MPHOSPH6: variants seen among roughly 807,000 people sequenced by gnomAD.
MPHOSPH6 encodes the protein M-phase phosphoprotein 6.
In MPHOSPH6, 25 loss-of-function variants were observed where a neutral mutation model predicts 21.8. That is an observed-to-expected ratio of 1.15 (90% CI 0.83 to 1.60). The LOEUF is 1.60. MPHOSPH6 is among the 40% of genes most tolerant of loss of function. The pLI is 0.00. For synonymous variants in MPHOSPH6, 84 were observed against 56.5 expected (o/e 1.49, Z -2.18); for missense variants, 269 against 181.8 (o/e 1.48, Z -2.76).
chr16:82,150,543 C>T (rs1906231269), intron 3 of MPHOSPH6, among the ~76,000 whole-genome samples: 1 of 152,176 alleles, frequency 6.6e-6, no homozygotes. Context: ...ACTGTGGCTC[C>T]TAGAGAAGTG....
In MPHOSPH6 at chr16:82,160,872, C is replaced by T. The variant is rs576266673; in HGVS notation, c.164+3210G>A. 9.2e-5 allele frequency among the ~76,000 whole-genome samples: 14 copies of T among 152,252 alleles called. No individual in the cohort carries two copies. In the South Asian group the frequency reaches 1.9e-3, roughly 20 times the overall value. ...CTGGAGGAATCTGAAAAATGACGTG[C>T]AGGTAGGATTTTCTGACTGTCCCCT... On this transcript the variant is annotated intron_variant, in intron 2 of 4. Coordinates refer to ENST00000258169, the MANE Select transcript of MPHOSPH6 (RefSeq NM_005792.2).
In MPHOSPH6 at chr16:82,167,769, T is replaced by C. The variant is rs2142421436; in HGVS notation, c.51+2356A>G. 1.3e-5 allele frequency among the ~76,000 whole-genome samples: 2 copies of C among 152,260 alleles called. 1 individual carries two copies. Among genetic ancestry groups the C allele is most frequent in the South Asian group, 4.1e-4 (2 of 4,826 alleles). Reference sequence around the variant, plus strand: ...GGAGCTCAGGTGGTAATGCAAGCTATGGGGAACAGCTGTAAATACAGATGA... The same window carrying C: ...GGAGCTCAGGTGGTAATGCAAGCTACGGGGAACAGCTGTAAATACAGATGA... On this transcript the variant is annotated intron_variant, in intron 1 of 4. Coordinates refer to ENST00000258169, the MANE Select transcript of MPHOSPH6 (RefSeq NM_005792.2).
chr16:82,153,381 T>C (rs959053267), intron 2 of MPHOSPH6, among the ~76,000 whole-genome samples: 1 of 152,184 alleles, frequency 6.6e-6, no homozygotes, highest in African/African-American at 2.4e-5. Context: ...ATGACTGTGA[T>C]GCCTGAGAGA....
At chr16:82,167,898 T>G (rs1013405041) in intron 1 of MPHOSPH6, among the ~76,000 whole-genome samples, 3 of 152,156 alleles carry the variant, frequency 2.0e-5, no homozygotes, top group African/African-American at 7.2e-5. Flanking sequence ...TGGGGACCCA[T>G]GCTATATAGG....
In MPHOSPH6 at chr16:82,149,534, CT is replaced by C. The variant is rs1183705065; in HGVS notation, c.256-132del. 4.3e-4 allele frequency: 300 copies of C among 703,872 alleles called. No individual in the cohort carries two copies. The East Asian group carries it at 8.1e-3, about 19-fold the overall frequency. The allele number at this position is 703,872 out of a possible 1,614,324, so 43.6% of individuals were successfully genotyped here. Reference sequence around the variant, plus strand: ...AACTAGTCAAAATTGATAAGGGACTCTCTGTAATACTTGATACCACAATGGT... The same window carrying C: ...AACTAGTCAAAATTGATAAGGGACTCCTGTAATACTTGATACCACAATGGT... On this transcript the variant is annotated intron_variant, in intron 3 of 4. Coordinates refer to ENST00000258169, the MANE Select transcript of MPHOSPH6 (RefSeq NM_005792.2).
At position 82,155,803 on chromosome 16, in the gene MPHOSPH6, G is replaced by C. The variant is rs1210791338; in HGVS notation, c.165-4289C>G. 4.6e-5 allele frequency among the ~76,000 whole-genome samples: 7 copies of C among 152,184 alleles called. 1 individual carries two copies. Among genetic ancestry groups the C allele is most frequent in the Admixed American group, 3.9e-4 (6 of 15,288 alleles). Reference sequence around the variant, plus strand: ...ACCTGTAATCTCAGCTACTCAGGAGGCTGGGGCAGGAGAATCGCCTGAACC... The same window carrying C: ...ACCTGTAATCTCAGCTACTCAGGAGCCTGGGGCAGGAGAATCGCCTGAACC... On this transcript the variant is annotated intron_variant, in intron 2 of 4. Coordinates refer to ENST00000258169, the MANE Select transcript of MPHOSPH6 (RefSeq NM_005792.2).
intron 2 of MPHOSPH6, among the ~76,000 whole-genome samples, chr16:82,153,507 G>C (rs1393493891): frequency 6.6e-6 from 1 of 152,186 alleles, no homozygotes; most frequent in African/African-American, 2.4e-5. Context: ...CTGAGCTTAA[G>C]AGACAAACTG....
chr16:82,160,900 A>G (rs994986032), intron 2 of MPHOSPH6, among the ~76,000 whole-genome samples: 12 of 152,124 alleles, frequency 7.9e-5, no homozygotes, highest in African/African-American at 2.9e-4. Context: ...TGTCCCCTGA[A>G]GCAGGTCATA....
At position 82,148,793 on chromosome 16, in the gene MPHOSPH6, C is replaced by A; in HGVS notation, c.421G>T (p.Asp141Tyr). The A allele has an allele frequency of 6.2e-7, 1 of 1,614,138 alleles. No individual in the cohort carries two copies. The highest frequency in any genetic ancestry group is 1.6e-4 in the Middle Eastern group (1 of 6,062). Reference sequence around the variant, plus strand: ...ATTGGTGTTATGTCTCCATTTTCATCTTCTTCATAATTGGCATGGTCTCTC... The same window carrying A: ...ATTGGTGTTATGTCTCCATTTTCATATTCTTCATAATTGGCATGGTCTCTC... ...RKRDHANYEE[D>Y]ENGDITPIKA... The change falls in exon 5 of 5, where the codon GAT becomes TAT. Residue 141 changes from aspartate to tyrosine, a missense_variant. By Grantham distance (160) the Asp-to-Tyr change is radical. Coordinates refer to ENST00000258169, the MANE Select transcript of MPHOSPH6 (RefSeq NM_005792.2).
At chr16:82,169,083 C>T (rs1025124245) in intron 1 of MPHOSPH6, among the ~76,000 whole-genome samples, 5 of 152,208 alleles carry the variant, frequency 3.3e-5, no homozygotes, top group African/African-American at 4.8e-5. Context: ...GGTTAATATA[C>T]GCAAACCACT....
chr16:82,148,620 T>A lies in MPHOSPH6; in HGVS notation c.*111A>T. On this transcript the variant is annotated 3_prime_UTR_variant, in exon 5 of 5. Transcript: ENST00000258169. ...CATGTTTCTAAAATGATAATCTCTT[T>A]ACAAGTAAACGTTACAGTATTAATA... 7.6e-7 allele frequency: 1 copy of A among 1,307,428 alleles called. No individual in the cohort carries two copies. Among genetic ancestry groups the A allele is most frequent in the Middle Eastern group, 2.4e-4 (1 of 4,106 alleles). The allele number at this position is 1,307,428 out of a possible 1,614,324, so 81.0% of individuals were successfully genotyped here. A position where few individuals can be genotyped will look rare whatever the true frequency, so the allele number is the denominator to read the frequency against.
chr16:82,149,499 T>C, intron 3 of MPHOSPH6, 96 bp from the exon 4 acceptor site: 1 of 1,018,550 alleles, frequency 9.8e-7, no homozygotes, highest in Non-Finnish European at 1.5e-6. Flanking sequence ...TGAAGTCAAA[T>C]AATCTAGAGA....
At chr16:82,151,890 G>A (rs1000515442) in intron 2 of MPHOSPH6, among the ~76,000 whole-genome samples, 2 of 152,106 alleles carry the variant, frequency 1.3e-5, no homozygotes, top group African/African-American at 2.4e-5. Context: ...GAAATAATAT[G>A]TATGTAAAAA....
chr16:82,159,209 T>A (rs1906529026), intron 2 of MPHOSPH6, among the ~76,000 whole-genome samples: 1 of 152,218 alleles, frequency 6.6e-6, no homozygotes, highest in Non-Finnish European at 1.5e-5. Context: ...CTGTCTTCTA[T>A]TATGCCACAA....
At chr16:82,149,099 T>C (rs913069560) in intron 4 of MPHOSPH6, among the ~76,000 whole-genome samples, 2 of 152,228 alleles carry the variant, frequency 1.3e-5, no homozygotes, top group African/African-American at 4.8e-5. Context: ...AAAATACACA[T>C]TTCCAGCAGC....
intron 2 of MPHOSPH6, chr16:82,163,835 T>C (rs1567615476): frequency 7.9e-6 from 3 of 379,064 alleles, no homozygotes; most frequent in East Asian, 5.3e-5. Context: ...ATCAGAGATA[T>C]GTGGGCTAGG....
At chr16:82,169,203 C>G (rs1906889869) in intron 1 of MPHOSPH6, among the ~76,000 whole-genome samples, 1 of 152,220 alleles carries the variant, frequency 6.6e-6, no homozygotes, top group Non-Finnish European at 1.5e-5. Flanking sequence ...AATCTGGCCT[C>G]AAATTCCCTG....
chr16:82,170,148 A>G lies in MPHOSPH6; in HGVS notation c.28T>C (p.Ser10Pro). 1 of 1,596,350 alleles carries G rather than the reference A, an allele frequency of 6.3e-7. No homozygotes were observed. Among genetic ancestry groups the G allele is most frequent in the Non-Finnish European group, 8.5e-7 (1 of 1,171,458 alleles). ...ACCTTCATGCGCAGTAGATTCTTGG[A>G]CAACCTTGTCTTTCGCTCGGCCGCC... Reference protein sequence around the residue: MAAERKTRLSKNLLRMKFMQ... With the variant: MAAERKTRLPKNLLRMKFMQ... The change falls in exon 1 of 5, where the codon TCC (serine) becomes CCC (proline). Residue 10 changes from serine to proline, a missense_variant. Ser to Pro is a moderately conservative substitution (Grantham distance 74). Transcript: ENST00000258169.
At chr16:82,166,787 C>T (rs749640638) in intron 1 of MPHOSPH6, among the ~76,000 whole-genome samples, 19 of 152,160 alleles carry the variant, frequency 1.2e-4, no homozygotes, top group Non-Finnish European at 2.4e-4. Flanking sequence ...ATCAATACTG[C>T]CCAACTGCCC....
Sources: allele counts gnomAD v4.1 joint callset (sites outside exome capture counted in the v4.1 genomes callset), GRCh38; gene constraint gnomAD v4.1.1; transcripts MANE v1.5; gene names NCBI Gene and HGNC (gene_info 2026-07-23, HGNC 2026-07-21).